Variants in RANBP17 observed in about 807,000 individuals in gnomAD.
The protein encoded by RANBP17 is RAN binding protein 17.
RANBP17 carries 158 observed loss-of-function variants against 141.2 expected under a neutral mutation model. That is an observed-to-expected ratio of 1.12 (90% CI 0.98 to 1.28). The LOEUF (loss-of-function observed/expected upper bound fraction) is 1.28, where lower values mean the gene tolerates loss of function less well. Among genes scored for constraint, RANBP17 ranks in the 50% most tolerant of loss-of-function variants. RANBP17 has a pLI of 0.00. For missense variants in RANBP17, 1,438 were observed against 1,290.7 expected, an observed-to-expected ratio of 1.11 and a Z score of -1.75; for synonymous variants, 430 against 450.0, an observed-to-expected ratio of 0.96 and a Z score of 0.56.
intron 12 of RANBP17, among the ~76,000 whole-genome samples, chr5:170,940,035 G>A (rs935466587): frequency 1.3e-5 from 2 of 152,080 alleles, no homozygotes; most frequent in African/African-American, 4.8e-5. Context: ...AAAAATGGTA[G>A]GAGTGTTCCA....
chr5:171,134,069 C>T (rs887884146), intron 14 of RANBP17, among the ~76,000 whole-genome samples: 2 of 152,122 alleles, frequency 1.3e-5, no homozygotes, highest in South Asian at 4.1e-4. Flanking sequence ...ATACTTATTG[C>T]ATAAGTCCTA....
intron 14 of RANBP17, among the ~76,000 whole-genome samples, chr5:171,063,448 A>G (rs1296563122): frequency 6.6e-6 from 1 of 152,210 alleles, no homozygotes; most frequent in Non-Finnish European, 1.5e-5. Flanking sequence ...TTGCCTGGGT[A>G]TCAGCAGCAG....
chr5:171,196,855 A>C (rs1430302029), intron 18 of RANBP17, among the ~76,000 whole-genome samples: 1 of 151,942 alleles, frequency 6.6e-6, no homozygotes, highest in Non-Finnish European at 1.5e-5. Flanking sequence ...AGATCTCACT[A>C]TGTTGCCCAG....
chr5:170,919,393 G>A, intron 10 of RANBP17, 48 bp from the exon 11 acceptor site: 1 of 1,221,224 alleles, frequency 8.2e-7, no homozygotes, highest in Non-Finnish European at 1.1e-6. Flanking sequence ...AATTCTTATT[G>A]TAGGAAGATG....
intron 14 of RANBP17, among the ~76,000 whole-genome samples, chr5:171,007,215 G>T (rs1454113778): frequency 6.6e-6 from 1 of 152,132 alleles, no homozygotes; most frequent in Non-Finnish European, 1.5e-5. Flanking sequence ...GAGCCTAAAC[G>T]CTGGCTGATT....
intron 14 of RANBP17, among the ~76,000 whole-genome samples, chr5:171,021,144 TTGGTTTGG>T (rs1780827067): frequency 6.6e-6 from 1 of 152,230 alleles, no homozygotes; most frequent in Non-Finnish European, 1.5e-5. Context: ...AGATTCGCTG[TTGGTTTGG>T]TGGGCTTCCC....
intron 23 of RANBP17, 43 bp downstream of exon 23, chr5:171,241,185 A>G: frequency 7.0e-7 from 1 of 1,423,836 alleles, no homozygotes; most frequent in Non-Finnish European, 9.9e-7. Flanking sequence ...TGAAATGTGA[A>G]GTAACACCAC....
At chr5:170,974,878 C>T (rs1189312096) in intron 14 of RANBP17, among the ~76,000 whole-genome samples, 1 of 152,152 alleles carries the variant, frequency 6.6e-6, no homozygotes, top group African/African-American at 2.4e-5. Context: ...AGTATTAAGG[C>T]AGGGCCAGGC....
intron 14 of RANBP17, among the ~76,000 whole-genome samples, chr5:171,076,607 A>G (rs1784940650): frequency 6.6e-6 from 1 of 152,230 alleles, no homozygotes. Flanking sequence ...AAATAGCAAA[A>G]AAGATGTCGA....
intron 5 of RANBP17, among the ~76,000 whole-genome samples, chr5:170,908,718 C>T (rs918420): frequency 0.027 from 4,077 of 150,750 alleles, 169 homozygotes; most frequent in African/African-American, 0.093. Flanking sequence ...GGTATAGGTT[C>T]CATAACTACT....
At chr5:170,863,073 A>G (rs1025139538) in intron 1 of RANBP17, among the ~76,000 whole-genome samples, 2 of 152,160 alleles carry the variant, frequency 1.3e-5, no homozygotes, top group Non-Finnish European at 2.9e-5. Flanking sequence ...TGAAGATACA[A>G]CAGCTCTGAA....
At chr5:171,078,803 T>C (rs546316728) in intron 14 of RANBP17, among the ~76,000 whole-genome samples, 1 of 152,356 alleles carries the variant, frequency 6.6e-6, no homozygotes, top group African/African-American at 2.4e-5. Flanking sequence ...AAAAGATTAT[T>C]GCTCATTGAC....
At chr5:171,081,675 A>C (rs963614608) in intron 14 of RANBP17, among the ~76,000 whole-genome samples, 1 of 152,158 alleles carries the variant, frequency 6.6e-6, no homozygotes, top group Non-Finnish European at 1.5e-5. Context: ...AATAAATATC[A>C]TGGAACATAC....
intron 14 of RANBP17, among the ~76,000 whole-genome samples, chr5:170,976,747 A>G (rs1777403370): frequency 6.6e-6 from 1 of 152,136 alleles, no homozygotes; most frequent in Admixed American, 6.5e-5. Flanking sequence ...AAGGGCATCA[A>G]CATAACTCAG....
At chr5:170,949,602 G>C (rs748238153) in intron 12 of RANBP17, among the ~76,000 whole-genome samples, 2 of 152,126 alleles carry the variant, frequency 1.3e-5, no homozygotes, top group Non-Finnish European at 2.9e-5. Flanking sequence ...GGATAAATTT[G>C]ATCTTCATAC....
intron 25 of RANBP17, among the ~76,000 whole-genome samples, chr5:171,279,913 G>T (rs548977562): frequency 6.6e-6 from 1 of 151,854 alleles, no homozygotes; most frequent in South Asian, 2.1e-4. Context: ...CTAAGTTTTC[G>T]CAGGGCCTTA....
At chr5:171,249,157 A>G (rs1765404401) in intron 24 of RANBP17, among the ~76,000 whole-genome samples, 1 of 152,202 alleles carries the variant, frequency 6.6e-6, no homozygotes, top group African/African-American at 2.4e-5. Context: ...AAAGTTACAG[A>G]AAGCACTAAT....
chr5:171,245,701 A>G (rs183231249), intron 24 of RANBP17, among the ~76,000 whole-genome samples: 3 of 151,870 alleles, frequency 2.0e-5, no homozygotes, highest in East Asian at 1.9e-4. Context: ...TCGGATGGCA[A>G]CTCTTATTTT....
At chr5:170,984,955 C>A (rs78839055) in intron 14 of RANBP17, among the ~76,000 whole-genome samples, 2,743 of 151,750 alleles carry the variant, frequency 0.018, 83 homozygotes, top group African/African-American at 0.061. Context: ...AGGAAGAGTC[C>A]TTTTAAAATA....
Sources: gnomAD v4.1 joint callset for allele counts (sites outside exome capture counted in the v4.1 genomes callset) on GRCh38, gnomAD v4.1.1 for gene constraint, MANE v1.5 for transcripts, NCBI Gene and HGNC (gene_info 2026-07-23, HGNC 2026-07-21) for gene names.